The following PRTFDC1 variants were observed in gnomAD, a reference collection of about 807,000 sequenced individuals.
The protein encoded by PRTFDC1 is phosphoribosyltransferase domain-containing protein 1.
A neutral mutation model predicts 34.6 loss-of-function variants in PRTFDC1; 38 were observed. The ratio of observed to expected loss-of-function variants is 1.10; its 90% CI spans 0.85 to 1.44. PRTFDC1 has a LOEUF of 1.44. Among genes scored for constraint, PRTFDC1 ranks in the 40% most tolerant of loss-of-function variants. PRTFDC1 has a pLI of 0.00. For synonymous variants in PRTFDC1, 93 were observed against 98.1 expected, an observed-to-expected ratio of 0.95 and a Z score of 0.31; for missense variants, 270 against 283.0, an observed-to-expected ratio of 0.95 and a Z score of 0.33.
At chr10:24,866,554 G>C (rs1847781734) in intron 4 of PRTFDC1, among the ~76,000 whole-genome samples, 1 of 151,904 alleles carries the variant, frequency 6.6e-6, no homozygotes, top group Non-Finnish European at 1.5e-5. Flanking sequence ...TACTTTAATA[G>C]ATACACACAT....
At chr10:24,852,542 C>G (rs1348199684) in intron 7 of PRTFDC1, among the ~76,000 whole-genome samples, 1 of 152,184 alleles carries the variant, frequency 6.6e-6, no homozygotes, top group East Asian at 1.9e-4. Context: ...GAGATCCTCT[C>G]ACCTCAGCCT....
chr10:24,876,423 C>T (rs766799636), intron 3 of PRTFDC1, among the ~76,000 whole-genome samples: 5 of 151,834 alleles, frequency 3.3e-5, no homozygotes, highest in Non-Finnish European at 5.9e-5. Flanking sequence ...TGGCCAAGGG[C>T]GGTGGCTCAC....
chr10:24,851,417 C>T lies in PRTFDC1; in HGVS notation c.601G>A (p.Asp201Asn), dbSNP rs1847486639. ...AGATCTCTGAAGTATTCATTGTAAT[C>T]TAAGGCATATCCCACCACAAATAAG... ...PNLFVVGYAL[D>N]YNEYFRDLNH... Residue 201 changes from aspartate to asparagine, a missense_variant, in exon 8 of 9, where the codon GAT (aspartate) becomes AAT (asparagine). Physicochemically the swap from Asp to Asn is conservative, Grantham distance 23. Coordinates refer to ENST00000320152, the MANE Select transcript of PRTFDC1 (RefSeq NM_020200.7). 3.1e-6 allele frequency: 5 copies of T among 1,612,438 alleles called. No homozygotes were observed. Among genetic ancestry groups the T allele is most frequent in the South Asian group, 2.2e-5 (2 of 90,798 alleles).
rs553352916 is a variant in PRTFDC1 at position 24,916,611 on chromosome 10, G to C, written c.339+20573C>G. On this transcript the variant is annotated intron_variant, in intron 3 of 8. Coordinates refer to ENST00000320152, the MANE Select transcript of PRTFDC1 (RefSeq NM_020200.7). ...CCTCTTCCTGGGACTGACTTCCCCT[G>C]TCTGCATGGGGAGCCTTTGTTTCTT... 4.6e-5 allele frequency among the ~76,000 whole-genome samples: 7 copies of C among 152,232 alleles called. No homozygotes were observed. In the South Asian group the frequency reaches 1.5e-3, roughly 32 times the overall value.
chr10:24,858,531 CTAA>C (rs1299942333), intron 4 of PRTFDC1, 122 bp from the exon 5 acceptor site: 7 of 994,028 alleles, frequency 7.0e-6, no homozygotes, highest in Non-Finnish European at 1.1e-5. Flanking sequence ...CCCCATCCAT[CTAA>C]TTCAAAGGAC....
At chr10:24,937,950 A>G (rs553658282) in intron 2 of PRTFDC1, among the ~76,000 whole-genome samples, 2 of 152,058 alleles carry the variant, frequency 1.3e-5, no homozygotes, top group East Asian at 3.9e-4. Flanking sequence ...TTGGGCCAAG[A>G]GTGGTGTCTC....
chr10:24,854,465 C>T (rs886257318), intron 7 of PRTFDC1, among the ~76,000 whole-genome samples: 5 of 152,242 alleles, frequency 3.3e-5, no homozygotes, highest in East Asian at 3.9e-4. Context: ...ACTTCTCTTT[C>T]GCTAATGTTT....
At chr10:24,908,958 C>T (rs1176801983) in intron 3 of PRTFDC1, 6 of 366,430 alleles carry the variant, frequency 1.6e-5, no homozygotes, top group Non-Finnish European at 3.0e-5. Flanking sequence ...GGCATCCAAC[C>T]TTTCTGAGCC....
Position 24,942,790 on chromosome 10 carries a change from G to A in PRTFDC1, c.49-354C>T, listed in dbSNP as rs141652028. Among the ~76,000 whole-genome samples the A allele has an allele frequency of 5.9e-3, 893 of 152,226 alleles. 8 individuals are homozygous for A. Among genetic ancestry groups the A allele is most frequent in the Middle Eastern group, 0.02 (6 of 294 alleles). On this transcript the variant is annotated intron_variant, in intron 1 of 8. Transcript: ENST00000320152. ...AGCCTCCCGAGGAGCTGGGACTACA[G>A]GCATGTGCCACTACGCCCAGATAAT... is the stretch of plus-strand genomic sequence containing the variant.
chr10:24,943,565 C>A lies in PRTFDC1; in HGVS notation c.49-1129G>T, dbSNP rs1194919626. ...CATTCTTTTTTTTTTTTTTTTCTCTCTCTGAGACAGGGTCCCGCACTGTCA... is the reference window on the plus strand; with the variant it reads ...CATTCTTTTTTTTTTTTTTTTCTCTATCTGAGACAGGGTCCCGCACTGTCA... On this transcript the variant is annotated intron_variant, in intron 1 of 8. Transcript: ENST00000320152. 4.4e-5 allele frequency among the ~76,000 whole-genome samples: 6 copies of A among 137,574 alleles called. No individual in the cohort carries two copies. In the Admixed American group the frequency reaches 4.6e-4, roughly 11 times the overall value. The allele number at this position is 137,574 out of a possible 152,430, so 90.3% of individuals were successfully genotyped here. A position where few individuals can be genotyped will look rare whatever the true frequency, so the allele number is the denominator to read the frequency against.
chr10:24,916,657 C>T (rs962653693), intron 3 of PRTFDC1, among the ~76,000 whole-genome samples: 16 of 152,188 alleles, frequency 1.1e-4, no homozygotes, highest in African/African-American at 3.6e-4. Context: ...GCTTCAATGG[C>T]GCTACTTACA....
At chr10:24,873,819 C>G (rs1847917386) in intron 3 of PRTFDC1, among the ~76,000 whole-genome samples, 1 of 151,578 alleles carries the variant, frequency 6.6e-6, no homozygotes, top group South Asian at 2.1e-4. Context: ...AGCCAAACCA[C>G]CAGTAGGACA....
intron 3 of PRTFDC1, among the ~76,000 whole-genome samples, chr10:24,880,734 G>T (rs1310929408): frequency 6.6e-6 from 1 of 152,212 alleles, no homozygotes; most frequent in Non-Finnish European, 1.5e-5. Flanking sequence ...TGAACCCCCA[G>T]TTCCCATGCT....
Position 24,904,934 on chromosome 10 carries a change from T to C in PRTFDC1, c.339+32250A>G, listed in dbSNP as rs78370586. Among the ~76,000 whole-genome samples the C allele has an allele frequency of 7.0e-3, 1,066 of 152,314 alleles. 18 individuals are homozygous for C. Among genetic ancestry groups the C allele is most frequent in the African/African-American group, 0.024 (1,014 of 41,574 alleles). On this transcript the variant is annotated intron_variant, in intron 3 of 8. Transcript: ENST00000320152. ...ATCTCTTATCAAGATATCTCTACAG[T>C]ACCAAGGTTCATCTTCCTAATGTCC...
intron 3 of PRTFDC1, among the ~76,000 whole-genome samples, chr10:24,925,344 G>A (rs1341289503): frequency 6.6e-6 from 1 of 152,086 alleles, no homozygotes; most frequent in East Asian, 1.9e-4. Flanking sequence ...CTGGCGGAGG[G>A]ATAGCATTAG....
intron 3 of PRTFDC1, among the ~76,000 whole-genome samples, chr10:24,883,461 G>A (rs1326764414): frequency 1.3e-5 from 2 of 149,700 alleles, no homozygotes; most frequent in African/African-American, 4.8e-5. Context: ...TGGGAAGAAA[G>A]AAAGGCCACC....
At chr10:24,900,783 A>C (rs1848437253) in intron 3 of PRTFDC1, among the ~76,000 whole-genome samples, 2 of 152,216 alleles carry the variant, frequency 1.3e-5, no homozygotes, top group Non-Finnish European at 2.9e-5. Context: ...TTTAGAATTA[A>C]AAAATAAATA....
At chr10:24,851,833 A>G (rs1357054169) in intron 7 of PRTFDC1, among the ~76,000 whole-genome samples, 2 of 151,746 alleles carry the variant, frequency 1.3e-5, no homozygotes, top group Non-Finnish European at 2.9e-5. Flanking sequence ...CACTCTCAAC[A>G]ACACAAAGGA....
intron 3 of PRTFDC1, among the ~76,000 whole-genome samples, chr10:24,900,409 T>A (rs1305904085): frequency 2.6e-5 from 4 of 152,228 alleles, no homozygotes; most frequent in African/African-American, 4.8e-5. Flanking sequence ...TGGGTGATAT[T>A]TTACCCTTAG....
Sources: allele counts gnomAD v4.1 joint callset (sites outside exome capture counted in the v4.1 genomes callset), GRCh38; gene constraint gnomAD v4.1.1; transcripts MANE v1.5; gene names NCBI Gene and HGNC (gene_info 2026-07-23, HGNC 2026-07-21).